Variants in THADA observed in about 807,000 individuals in gnomAD.
THADA encodes tRNA (32-2'-O)-methyltransferase regulator THADA.
Under a neutral mutation model 219.8 loss-of-function variants are expected in THADA, and 213 were observed. The observed-to-expected ratio is 0.97, with a 90% confidence interval of 0.87 to 1.09. The LOEUF is 1.09. Among genes scored for constraint, THADA ranks in the 50% least tolerant of loss-of-function variants. THADA has a pLI of 0.00. For missense variants in THADA, 2,956 were observed against 2,311.3 expected (o/e 1.28, Z -5.72); for synonymous variants, 1,018 against 828.9 (o/e 1.23, Z -3.92).
rs1036870887 is a variant in THADA at position 43,586,388 on chromosome 2, A to C, written c.533+13T>G. ...CAAGTGTGCACACACAAATGCCAAC[A>C]TATAGCACTTGCCTATTTTCTTCCA... is the stretch of plus-strand genomic sequence containing the variant. On this transcript the variant is annotated intron_variant, in intron 7 of 37. Coordinates refer to ENST00000405975, the MANE Select transcript of THADA (RefSeq NM_022065.5). 11 of 1,576,710 alleles carry C rather than the reference A, an allele frequency of 7.0e-6. No homozygotes were observed. The East Asian group carries it at 2.5e-4, about 36-fold the overall frequency.
At chr2:43,354,254 C>T (rs1668623232) in intron 29 of THADA, among the ~76,000 whole-genome samples, 1 of 151,890 alleles carries the variant, frequency 6.6e-6, no homozygotes, top group African/African-American at 2.4e-5. Flanking sequence ...CCATGCCTGG[C>T]TACATTTTAT....
At chr2:43,404,235 C>A (rs1675246942) in intron 28 of THADA, among the ~76,000 whole-genome samples, 2 of 152,090 alleles carry the variant, frequency 1.3e-5, no homozygotes, top group Non-Finnish European at 2.9e-5. Flanking sequence ...CTCTGTCACT[C>A]AGGCTGGAGT....
rs1197543592 is a variant in THADA, at chr2:43,461,829, G to A, written c.3836+23405C>T. Among the ~76,000 whole-genome samples the A allele has an allele frequency of 2.6e-5, 4 of 152,194 alleles. No homozygotes were observed. The East Asian group carries it at 7.7e-4, about 29-fold the overall frequency. On this transcript the variant is annotated intron_variant, in intron 26 of 37. Transcript: ENST00000405975. ...TTTCAGCAAAGGTTCTGCAATCAAA[G>A]GCCTGAAAATGTTCAAATGTAATTT...
intron 20 of THADA, among the ~76,000 whole-genome samples, chr2:43,541,524 T>G (rs1029375277): frequency 6.6e-6 from 1 of 152,138 alleles, no homozygotes; most frequent in African/African-American, 2.4e-5. Flanking sequence ...TTTTTCTTTT[T>G]TGGAGACAGG....
intron 24 of THADA, among the ~76,000 whole-genome samples, chr2:43,502,618 A>C (rs989553895): frequency 6.6e-6 from 1 of 151,334 alleles, no homozygotes; most frequent in Non-Finnish European, 1.5e-5. Context: ...AAAGAAAAAG[A>C]AAAAAGAAAG....
intron 16 of THADA, among the ~76,000 whole-genome samples, chr2:43,557,969 G>A (rs1237956703): frequency 1.3e-5 from 2 of 152,074 alleles, no homozygotes; most frequent in Non-Finnish European, 2.9e-5. Flanking sequence ...AAAAGTAGTG[G>A]CCAAAGTTCA....
intron 16 of THADA, among the ~76,000 whole-genome samples, chr2:43,558,678 C>T (rs1334101472): frequency 6.6e-6 from 1 of 152,188 alleles, no homozygotes; most frequent in Non-Finnish European, 1.5e-5. Context: ...CCTTGCTCCT[C>T]AGCTTGCAGA....
At chr2:43,376,916 G>C (rs1054534177) in intron 29 of THADA, among the ~76,000 whole-genome samples, 9 of 152,124 alleles carry the variant, frequency 5.9e-5, no homozygotes, top group Non-Finnish European at 1.3e-4. Flanking sequence ...CAGACACTGG[G>C]AGTTTTAAGT....
rs540974661 is a variant in THADA at position 43,595,404 on chromosome 2, C to T, written c.-25+527G>A. On this transcript the variant is annotated intron_variant, in intron 1 of 37. Transcript: ENST00000405975. ...CTAAGAAAGTGACCATCGTACAAAGCCAGAAGAGACTGGGAAACCTAACTA... is the reference window on the plus strand; with the variant it reads ...CTAAGAAAGTGACCATCGTACAAAGTCAGAAGAGACTGGGAAACCTAACTA... Among the ~76,000 whole-genome samples the T allele has an allele frequency of 3.3e-5, 5 of 152,260 alleles. No homozygotes were observed. The South Asian group carries it at 1.0e-3, about 32-fold the overall frequency.
intron 21 of THADA, among the ~76,000 whole-genome samples, chr2:43,534,614 G>C (rs1694314562): frequency 6.6e-6 from 1 of 152,120 alleles, no homozygotes; most frequent in Non-Finnish European, 1.5e-5. Flanking sequence ...ATGTCCTCCA[G>C]TTCCATCCAT....
intron 21 of THADA, among the ~76,000 whole-genome samples, chr2:43,536,693 A>T (rs1034124124): frequency 1.3e-5 from 2 of 152,148 alleles, no homozygotes; most frequent in African/African-American, 4.8e-5. Flanking sequence ...CTAAATGCTC[A>T]TCTAAAGCAT....
intron 16 of THADA, 83 bp downstream of exon 16, chr2:43,560,151 C>T: frequency 8.2e-7 from 1 of 1,226,184 alleles, no homozygotes; most frequent in African/African-American, 1.5e-5. Context: ...ATGCAAAGCA[C>T]ATGAATAATC....
intron 24 of THADA, among the ~76,000 whole-genome samples, chr2:43,500,280 A>G (rs1688783528): frequency 6.6e-6 from 1 of 152,228 alleles, no homozygotes; most frequent in Non-Finnish European, 1.5e-5. Context: ...ACTGGAAGAG[A>G]GCAAGAGGGG....
rs139197379 is a variant in THADA at position 43,573,082 on chromosome 2, T to A, written c.1730-90A>T. ...AATTTTCATGTTTCCAATTAACATT[T>A]TATTTCAATAAATAAAAATCACATT... On this transcript the variant is annotated intron_variant, in intron 11 of 37. Transcript: ENST00000405975. The A allele has an allele frequency of 1.0e-4, 107 of 1,058,466 alleles. 1 individual carries two copies. The highest frequency in any genetic ancestry group is 7.5e-4 in the African/African-American group (46 of 60,956). The allele number at this position is 1,058,466 out of a possible 1,614,324, so 65.6% of individuals were successfully genotyped here. A position where few individuals can be genotyped will look rare whatever the true frequency, so the allele number is the denominator to read the frequency against.
chr2:43,233,879 A>G (rs1338277780), intron 36 of THADA, among the ~76,000 whole-genome samples: 1 of 152,124 alleles, frequency 6.6e-6, no homozygotes. Context: ...ACCAACTGAC[A>G]TTGAAAGGCC....
chr2:43,491,097 G>T (rs1439490750), intron 25 of THADA, among the ~76,000 whole-genome samples: 1 of 152,096 alleles, frequency 6.6e-6, no homozygotes, highest in Non-Finnish European at 1.5e-5. Flanking sequence ...TTCAGGTATT[G>T]CTTTGTATGT....
intron 36 of THADA, among the ~76,000 whole-genome samples, chr2:43,269,333 C>T (rs1417702216): frequency 7.2e-5 from 11 of 152,204 alleles, no homozygotes; most frequent in Admixed American, 2.6e-4. Context: ...CTCATTTCCT[C>T]GAAAGGAGCC....
rs1558937625 is a variant in THADA, at chr2:43,541,216, C to T, written c.3207G>A (p.Gln1069=). 2 of 1,610,896 alleles carry T rather than the reference C, an allele frequency of 1.2e-6. No homozygotes were observed. The highest frequency in any genetic ancestry group is 1.3e-5 in the African/African-American group (1 of 74,852). ...EVALLLGMLC[Q]LLPMQPVPES... ...CTGGCACAGGCTGCATGGGCAGAAG[C>T]TGGCACAACATGCCTAAAAGTAAAG... The change falls in exon 21 of 38, where the codon CAG becomes CAA. Residue 1069 remains glutamine, a synonymous_variant. Coordinates refer to ENST00000405975, the MANE Select transcript of THADA (RefSeq NM_022065.5).
chr2:43,379,631 T>C (rs554342711), intron 29 of THADA, among the ~76,000 whole-genome samples: 6 of 152,336 alleles, frequency 3.9e-5, no homozygotes, highest in Admixed American at 2.6e-4. Context: ...TTTTGGAAGA[T>C]AGCCAGTTTC....
Sources: allele counts gnomAD v4.1 joint callset (sites outside exome capture counted in the v4.1 genomes callset), GRCh38; gene constraint gnomAD v4.1.1; transcripts MANE v1.5; gene names NCBI Gene and HGNC (gene_info 2026-07-23, HGNC 2026-07-21).